Variants in MAF observed in about 807,000 individuals in gnomAD.
MAF encodes transcription factor Maf.
MAF carries 10 observed loss-of-function variants against 22.0 expected under a neutral mutation model. The observed-to-expected ratio is 0.45, with a 90% CI of 0.28 to 0.77. MAF has a LOEUF of 0.77. MAF is among the 30% of genes least tolerant of loss of function. The pLI, the probability that MAF is intolerant of heterozygous loss-of-function variation, is 0.12. For missense variants in MAF, 544 were observed against 548.4 expected, an observed-to-expected ratio of 0.99 and a Z score of 0.08; for synonymous variants, 337 against 255.8, an observed-to-expected ratio of 1.32 and a Z score of -3.03.
chr16:79,576,900 C>T, the MAF span, among the ~76,000 whole-genome samples: 19 of 152,278 alleles, frequency 1.2e-4, 1 homozygote, highest in African/African-American at 4.6e-4. Context: ...TTTAGTGTTA[C>T]TACAGATTTT....
chr16:79,422,523 T>C, the MAF span, among the ~76,000 whole-genome samples: 3 of 152,304 alleles, frequency 2.0e-5, no homozygotes, highest in East Asian at 5.8e-4. Flanking sequence ...AATGAGCCTC[T>C]TTCTCTTCAT....
At chr16:79,502,610 G>A in the MAF span, among the ~76,000 whole-genome samples, 1 of 150,400 alleles carries the variant, frequency 6.6e-6, no homozygotes, top group South Asian at 2.1e-4. Flanking sequence ...AGGTTGCAGT[G>A]AGCTGAGATT....
At chr16:79,303,433 G>C in the MAF span, among the ~76,000 whole-genome samples, 1 of 152,068 alleles carries the variant, frequency 6.6e-6, no homozygotes, top group Non-Finnish European at 1.5e-5. Flanking sequence ...GGAAGCACGG[G>C]GCTCTCAACA....
the MAF span, chr16:79,205,944 A>T: frequency 6.6e-6 from 1 of 152,140 alleles, no homozygotes; most frequent in South Asian, 2.1e-4. Flanking sequence ...CTTTGAAAAA[A>T]TTCTATCATC....
chr16:79,464,688 T>C, the MAF span, among the ~76,000 whole-genome samples: 1 of 152,146 alleles, frequency 6.6e-6, no homozygotes, highest in Non-Finnish European at 1.5e-5. Flanking sequence ...CAACTGGTAG[T>C]AGAAAACAAG....
At chr16:79,434,887 C>G in the MAF span, among the ~76,000 whole-genome samples, 2 of 152,202 alleles carry the variant, frequency 1.3e-5, no homozygotes, top group African/African-American at 4.8e-5. Flanking sequence ...AAACCCATAT[C>G]GAGGTACTGG....
the MAF span, among the ~76,000 whole-genome samples, chr16:79,498,283 G>T: frequency 6.6e-6 from 1 of 152,212 alleles, no homozygotes; most frequent in South Asian, 2.1e-4. Flanking sequence ...GGCTCTGGTC[G>T]TTGTAGCAGG....
the MAF span, among the ~76,000 whole-genome samples, chr16:79,280,989 G>C: frequency 6.6e-6 from 1 of 152,134 alleles, no homozygotes; most frequent in Admixed American, 6.5e-5. Flanking sequence ...AGATCAGAAT[G>C]GGAGGGGAAG....
the MAF span, among the ~76,000 whole-genome samples, chr16:79,517,283 T>C: frequency 1.3e-5 from 2 of 152,320 alleles, no homozygotes; most frequent in African/African-American, 4.8e-5. Context: ...CAGAGAGTAC[T>C]GATGTGGGAA....
chr16:79,598,059 A>T, intron 1 of MAF: 1 of 1,043,408 alleles, frequency 9.6e-7, no homozygotes. Context: ...TAAAAAAAAA[A>T]CCCGATGGAA....
chr16:79,411,757 C>G, the MAF span, among the ~76,000 whole-genome samples: 1 of 152,346 alleles, frequency 6.6e-6, no homozygotes, highest in African/African-American at 2.4e-5. Flanking sequence ...CCTCTTGCTG[C>G]TCACTCTTCC....
At chr16:79,328,722 G>C in the MAF span, among the ~76,000 whole-genome samples, 1 of 152,184 alleles carries the variant, frequency 6.6e-6, no homozygotes, top group Non-Finnish European at 1.5e-5. Flanking sequence ...AGGTAGCAGG[G>C]AGGGTTCTGG....
At chr16:79,556,754 C>T in the MAF span, among the ~76,000 whole-genome samples, 2 of 152,142 alleles carry the variant, frequency 1.3e-5, no homozygotes, top group African/African-American at 2.4e-5. Flanking sequence ...GATAATCTCT[C>T]TATGCCATGG....
chr16:79,598,732 C>T, intron 1 of MAF, 53 bp downstream of exon 1: 1 of 1,611,482 alleles, frequency 6.2e-7, no homozygotes, highest in Non-Finnish European at 8.5e-7. Context: ...CCGAGCCGGA[C>T]CCCCGCGGAG....
the MAF span, among the ~76,000 whole-genome samples, chr16:79,451,838 C>G: frequency 6.6e-6 from 1 of 152,144 alleles, no homozygotes; most frequent in Admixed American, 6.5e-5. Flanking sequence ...AAACATGTAT[C>G]TATAAAGTTT....
At chr16:79,423,583 G>A in the MAF span, among the ~76,000 whole-genome samples, 3 of 152,172 alleles carry the variant, frequency 2.0e-5, no homozygotes, top group African/African-American at 7.2e-5. Context: ...ACACTCACTG[G>A]TTCACATAAT....
chr16:79,289,077 C>A, the MAF span, among the ~76,000 whole-genome samples: 2 of 152,212 alleles, frequency 1.3e-5, no homozygotes, highest in African/African-American at 2.4e-5. Flanking sequence ...CTGCTGAGAT[C>A]TCTAAGTGGT....
the MAF span, among the ~76,000 whole-genome samples, chr16:79,516,631 C>T: frequency 6.6e-6 from 1 of 152,200 alleles, no homozygotes; most frequent in Non-Finnish European, 1.5e-5. Flanking sequence ...TGTGGATTAA[C>T]TCATCTGTGA....
chr16:79,283,066 G>A, the MAF span, among the ~76,000 whole-genome samples: 3 of 152,058 alleles, frequency 2.0e-5, no homozygotes, highest in African/African-American at 4.8e-5. Context: ...CCTTGAGGGT[G>A]GGGAATAGGG....
Sources: gnomAD v4.1 joint callset for allele counts (sites outside exome capture counted in the v4.1 genomes callset) on GRCh38, gnomAD v4.1.1 for gene constraint, MANE v1.5 for transcripts, NCBI Gene and HGNC (gene_info 2026-07-23, HGNC 2026-07-21) for gene names.